The following ASPA variants were observed in gnomAD, a reference collection of about 807,000 sequenced individuals.
ASPA encodes ACY-2.
A neutral mutation model predicts 29.6 loss-of-function variants in ASPA; 25 were observed. That is an observed-to-expected ratio of 0.85 (90% confidence interval 0.62 to 1.18). The LOEUF (loss-of-function observed/expected upper bound fraction) is 1.18. Among genes scored for constraint, ASPA ranks in the 50% most tolerant of loss-of-function variants. The pLI is 0.00. For missense variants in ASPA, 333 were observed against 385.7 expected (o/e 0.86, Z 1.14); for synonymous variants, 131 against 130.3 (o/e 1.01, Z -0.04).
chr17:3,492,506 A>G (rs2073841754), intron 4 of ASPA, among the ~76,000 whole-genome samples: 1 of 152,152 alleles, frequency 6.6e-6, no homozygotes, highest in Non-Finnish European at 1.5e-5. Flanking sequence ...GTGATGTTTC[A>G]TATCCTTCTG....
intron 1 of ASPA, among the ~76,000 whole-genome samples, chr17:3,479,277 T>C (rs1040062167): frequency 6.6e-6 from 1 of 152,182 alleles, no homozygotes; most frequent in African/African-American, 2.4e-5. Flanking sequence ...CTTCCAGACT[T>C]GACTCTGAGC....
chr17:3,494,581 G>C, intron 5 of ASPA, 122 bp downstream of exon 5: 1 of 816,712 alleles, frequency 1.2e-6, no homozygotes, highest in East Asian at 2.6e-5. Flanking sequence ...TAGACACTGA[G>C]TGTAGATAGG....
chr17:3,481,465 A>T, intron 1 of ASPA, 138 bp from the exon 2 acceptor site: 1 of 722,350 alleles, frequency 1.4e-6, no homozygotes, highest in Non-Finnish European at 2.3e-6. Context: ...TAAACATTTC[A>T]GGTAAGTTTT....
rs534019623 is a variant in ASPA, at chr17:3,483,412, G to A, written c.433-87G>A. On this transcript the variant is annotated intron_variant, in intron 2 of 5. Transcript: ENST00000263080. ...CCAATCTTAGTTGATGAAGTAAAAC[G>A]TATTGAAGGTATTATTGACTCTGTT... 2.3e-4 allele frequency: 252 copies of A among 1,096,304 alleles called. 5 individuals are homozygous for A. The African/African-American group carries it at 2.5e-3, about 11-fold the overall frequency. 67.9% of individuals were successfully genotyped at this position (1,096,304 alleles called of 1,614,324 possible).
At chr17:3,487,193 T>C (rs1207132601) in intron 3 of ASPA, among the ~76,000 whole-genome samples, 1 of 152,204 alleles carries the variant, frequency 6.6e-6, no homozygotes, top group African/African-American at 2.4e-5. Context: ...AGGTGGTCCT[T>C]GTAGGTGCCT....
rs937300299 is a variant in ASPA at position 3,485,984 on chromosome 17, G to A, written c.526+2392G>A. On this transcript the variant is annotated intron_variant, in intron 3 of 5. Transcript: ENST00000263080. This position sits in a 1 kb window ranked among gnomAD's most constrained non-coding sequence, Gnocchi z 4.4. ...TTTCGCTCTTGTTGCCAAGGCTGGA[G>A]TACAGTGGCACAATCTCGGCTCACT... 6.6e-6 allele frequency among the ~76,000 whole-genome samples: 1 copy of A among 151,044 alleles called. No homozygotes were observed. The highest frequency in any genetic ancestry group is 2.4e-5 in the African/African-American group (1 of 41,034).
intron 4 of ASPA, among the ~76,000 whole-genome samples, chr17:3,491,469 A>G (rs1270653414): frequency 6.6e-6 from 1 of 152,156 alleles, no homozygotes; most frequent in Admixed American, 6.5e-5. Flanking sequence ...ATTCCTGGCC[A>G]GGCGCGGTGG....
chr17:3,482,161 G>A (rs2073642567), intron 2 of ASPA, among the ~76,000 whole-genome samples: 1 of 152,104 alleles, frequency 6.6e-6, no homozygotes, highest in African/African-American at 2.4e-5. Context: ...TGGTCAATTT[G>A]TTAAAACCAA....
At position 3,476,382 on chromosome 17, in the gene ASPA, C is replaced by A. The variant is rs770672838; in HGVS notation, c.223C>A (p.Leu75Ile). ...CTGTGACCTGAATCGCATTTTTGAC[C>A]TTGAAAATCTTGGGTAAGACTATGC... ...IDCDLNRIFD[L>I]ENLGKKMSED... Residue 75 changes from leucine (L) to isoleucine (I), a missense_variant, in exon 1 of 6, where the codon CTT (leucine) becomes ATT (isoleucine). Coordinates refer to ENST00000263080, the MANE Select transcript of ASPA (RefSeq NM_000049.4). 6.2e-7 allele frequency: 1 copy of A among 1,613,798 alleles called. No individual in the cohort carries two copies. Among genetic ancestry groups the A allele is most frequent in the Non-Finnish European group, 8.5e-7 (1 of 1,179,982 alleles).
At chr17:3,487,520 G>C (rs543009166) in intron 3 of ASPA, among the ~76,000 whole-genome samples, 1 of 152,192 alleles carries the variant, frequency 6.6e-6, no homozygotes, top group African/African-American at 2.4e-5. Context: ...ATTGATATTT[G>C]AGAGTTTGGA....
At position 3,502,046 on chromosome 17, in the gene ASPA, A is replaced by G. The variant is rs1332127628; in HGVS notation, c.*2958A>G. On this transcript the variant is annotated 3_prime_UTR_variant, in exon 6 of 6. Transcript: ENST00000263080. ...CAGAGAAATCTTTCACGAAAGGAAG[A>G]GTCAATCAATGCAGCGAACTTGTTG... The G allele has an allele frequency of 1.3e-5, 2 of 152,220 alleles. No individual in the cohort carries two copies. Among genetic ancestry groups the G allele is most frequent in the African/African-American group, 4.8e-5 (2 of 41,452 alleles). The allele number at this position is 152,220 out of a possible 1,614,324, so 9.4% of individuals were successfully genotyped here.
At chr17:3,486,667 C>G (rs1435197495) in intron 3 of ASPA, among the ~76,000 whole-genome samples, 2 of 152,144 alleles carry the variant, frequency 1.3e-5, no homozygotes, top group Non-Finnish European at 2.9e-5. Context: ...AAAATTACAA[C>G]TTAAAATATT....
chr17:3,490,475 A>T lies in ASPA; in HGVS notation c.634+1133A>T, dbSNP rs778634350. 7.9e-5 allele frequency among the ~76,000 whole-genome samples: 12 copies of T among 152,232 alleles called. No homozygotes were observed. The highest frequency in any genetic ancestry group is 1.5e-4 in the Non-Finnish European group (10 of 68,038). On this transcript the variant is annotated intron_variant, in intron 4 of 5. Transcript: ENST00000263080. The surrounding 1 kb of genome is among the most constrained non-coding windows in gnomAD (Gnocchi z 4.6). The stretch of plus-strand genomic sequence containing the variant: ...AATTGTTGTTGAGGAATGGGCAATT[A>T]TAATAACAGAGGGGGTGTGTACTTC...
chr17:3,476,199 G>C lies in ASPA; in HGVS notation c.40G>C (p.Val14Leu). 6.2e-7 allele frequency: 1 copy of C among 1,614,042 alleles called. No individual in the cohort carries two copies. The highest frequency in any genetic ancestry group is 8.5e-7 in the Non-Finnish European group (1 of 1,180,016). The change falls in exon 1 of 6, where the codon GTT becomes CTT. Residue 14 changes from valine to leucine, a missense_variant. Transcript: ENST00000263080. ...CHIAEEHIQK[V>L]AIFGGTHGNE... ...CATTGCTGAAGAACATATACAAAAG[G>C]TTGCTATCTTTGGAGGAACCCATGG...
Position 3,502,723 on chromosome 17 carries a change from C to T in ASPA, c.*3635C>T, listed in dbSNP as rs1486290646. On this transcript the variant is annotated 3_prime_UTR_variant, in exon 6 of 6. Transcript: ENST00000263080. ...ACCTCATGGAGCAGAGAACCTCCTT[C>T]AGACACCTCACGCACCCCCTGAGGA... 2 of 152,292 alleles carry T rather than the reference C, an allele frequency of 1.3e-5. No individual in the cohort carries two copies. Among genetic ancestry groups the T allele is most frequent in the Non-Finnish European group, 2.9e-5 (2 of 68,070 alleles). The allele number at this position is 152,292 out of a possible 1,614,324, so 9.4% of individuals were successfully genotyped here.
chr17:3,480,170 G>A (rs1350013759), intron 1 of ASPA, among the ~76,000 whole-genome samples: 2 of 152,196 alleles, frequency 1.3e-5, no homozygotes, highest in East Asian at 3.9e-4. Context: ...CAAGGCAGGA[G>A]GATTGCCTGA....
chr17:3,497,038 C>G (rs1354956700), intron 5 of ASPA, among the ~76,000 whole-genome samples: 1 of 152,152 alleles, frequency 6.6e-6, no homozygotes, highest in Non-Finnish European at 1.5e-5. Context: ...TGCACTCCAG[C>G]CTGGACAGAG....
At chr17:3,481,944 G>A (rs759598132) in intron 2 of ASPA, 146 bp downstream of exon 2, 8 of 738,030 alleles carry the variant, frequency 1.1e-5, no homozygotes, top group African/African-American at 1.8e-5. Context: ...TGGTTGGGGG[G>A]AAAGGGTGCT....
At chr17:3,476,958 A>G (rs1452819910) in intron 1 of ASPA, among the ~76,000 whole-genome samples, 1 of 152,202 alleles carries the variant, frequency 6.6e-6, no homozygotes, top group East Asian at 1.9e-4. Flanking sequence ...GATCGAGACC[A>G]TCCTGGCTAA....
Sources: gnomAD v4.1 joint callset for allele counts (sites outside exome capture counted in the v4.1 genomes callset) on GRCh38, gnomAD v4.1.1 for gene constraint, Gnocchi (gnomAD v3.1) non-coding constraint, MANE v1.5 for transcripts, NCBI Gene and HGNC (gene_info 2026-07-23, HGNC 2026-07-21) for gene names.